Variants in DOCK2 observed in about 807,000 individuals in gnomAD.
DOCK2 encodes the protein dedicator of cytokinesis protein 2.
DOCK2 carries 87 observed loss-of-function variants against 248.9 expected under a neutral mutation model. The ratio of observed to expected loss-of-function variants is 0.35; its 90% CI spans 0.29 to 0.42. The LOEUF (loss-of-function observed/expected upper bound fraction) is 0.42, where lower values mean the gene tolerates loss of function less well. Among genes scored for constraint, DOCK2 ranks in the 10% least tolerant of loss-of-function variants. The pLI is 1.00. For missense variants in DOCK2, 1,747 were observed against 2,300.2 expected, an observed-to-expected ratio of 0.76 and a Z score of 4.92; for synonymous variants, 805 against 821.6, an observed-to-expected ratio of 0.98 and a Z score of 0.35.
rs1406953698 is a variant in DOCK2, at chr5:169,708,245, C to T, written c.1460C>T (p.Pro487Leu). ...GTTGTGTACTATCAAGTCAAACAGCCACGCTGGATGGAAACAGTCAAGGTA... is the reference window on the plus strand; with the variant it reads ...GTTGTGTACTATCAAGTCAAACAGCTACGCTGGATGGAAACAGTCAAGGTA... ...RSVVYYQVKQ[P>L]RWMETVKVAV... Residue 487 changes from proline (P) to leucine (L), a missense_variant, in exon 15 of 52, where the codon CCA (proline) becomes CTA (leucine). By Grantham distance (98) the Pro-to-Leu change is moderately conservative (BLOSUM62 -3). Transcript: ENST00000520908. 2.5e-6 allele frequency: 4 copies of T among 1,613,728 alleles called. No individual in the cohort carries two copies. The highest frequency in any genetic ancestry group is 3.4e-6 in the Non-Finnish European group (4 of 1,179,924).
chr5:169,779,046 G>A (rs757879938), intron 25 of DOCK2, among the ~76,000 whole-genome samples: 2 of 152,176 alleles, frequency 1.3e-5, no homozygotes, highest in East Asian at 3.9e-4. Flanking sequence ...TGGGGACAGG[G>A]GATATATGGG....
At chr5:169,661,544 T>C (rs1024474293) in intron 2 of DOCK2, among the ~76,000 whole-genome samples, 1 of 152,190 alleles carries the variant, frequency 6.6e-6, no homozygotes, top group African/African-American at 2.4e-5. Flanking sequence ...TTGTTGTACA[T>C]TAGATCTCTA....
intron 18 of DOCK2, 65 bp downstream of exon 18, chr5:169,714,276 G>A (rs1761756656): frequency 1.9e-6 from 3 of 1,609,160 alleles, no homozygotes; most frequent in Non-Finnish European, 2.5e-6. Flanking sequence ...GTACATGTGT[G>A]TATGTGCTTG....
At chr5:170,045,974 TC>T in intron 39 of DOCK2, 69 bp downstream of exon 39, 7 of 1,467,044 alleles carry the variant, frequency 4.8e-6, no homozygotes, top group Non-Finnish European at 5.7e-6. Context: ...TCACCCCAGA[TC>T]CTGGGGAGAT....
intron 41 of DOCK2, among the ~76,000 whole-genome samples, chr5:170,052,207 C>A (rs556439698): frequency 3.3e-5 from 5 of 152,280 alleles, no homozygotes. Context: ...CATCTGTAAC[C>A]TTTTCATTAT....
At chr5:169,996,300 A>G in intron 30 of DOCK2, 136 bp downstream of exon 30, 3 of 826,926 alleles carry the variant, frequency 3.6e-6, no homozygotes, top group Non-Finnish European at 5.4e-6. Flanking sequence ...ACGGGGGGTT[A>G]TGGCTGGGGA....
chr5:169,961,361 T>A (rs1465111351), intron 27 of DOCK2, among the ~76,000 whole-genome samples: 2 of 152,252 alleles, frequency 1.3e-5, no homozygotes, highest in African/African-American at 4.8e-5. Flanking sequence ...TAAATTGAAT[T>A]GCCTAGTCTT....
chr5:169,757,610 A>T (rs2113726204), intron 23 of DOCK2, among the ~76,000 whole-genome samples: 1 of 152,340 alleles, frequency 6.6e-6, no homozygotes, highest in African/African-American at 2.4e-5. Context: ...GACAAATATG[A>T]CAGCCTGCAA....
chr5:169,669,378 GC>G, intron 3 of DOCK2, 50 bp downstream of exon 3: 2 of 1,600,678 alleles, frequency 1.2e-6, no homozygotes, highest in Non-Finnish European at 1.7e-6. Context: ...TCTTCATATG[GC>G]CCCGCTATCC....
At chr5:170,034,781 C>T (rs1360239493) in intron 35 of DOCK2, among the ~76,000 whole-genome samples, 2 of 152,176 alleles carry the variant, frequency 1.3e-5, no homozygotes, top group Non-Finnish European at 2.9e-5. Flanking sequence ...GAGATTAATG[C>T]ATATTCCCTT....
chr5:169,749,416 T>G (rs2113696515), intron 23 of DOCK2, among the ~76,000 whole-genome samples: 1 of 152,362 alleles, frequency 6.6e-6, no homozygotes, highest in South Asian at 2.1e-4. Context: ...ATGAGTTCTC[T>G]AATCCTAATA....
chr5:169,744,353 T>C (rs560690898), intron 22 of DOCK2, among the ~76,000 whole-genome samples: 2 of 152,308 alleles, frequency 1.3e-5, no homozygotes, highest in South Asian at 2.1e-4. Flanking sequence ...AGTCACATAA[T>C]ATTTATAAGA....
intron 27 of DOCK2, among the ~76,000 whole-genome samples, chr5:169,876,156 G>A (rs527578422): frequency 5.9e-5 from 9 of 152,088 alleles, no homozygotes. Flanking sequence ...TGATCCTCTG[G>A]CCTCCCTCTT....
chr5:170,079,048 C>T lies in DOCK2; in HGVS notation c.5068C>T (p.Leu1690=), dbSNP rs1174677204. Residue 1690 remains leucine (L), a synonymous_variant, in exon 49 of 52, where the codon CTG becomes TTG. Transcript: ENST00000520908. ...GGAACCGATCTCCCCGGGGAGCACC[C>T]TGCCTGAGGTCAAGCTGCGGAGGTC... ...QEEPISPGST[L]PEVKLRRSKK... The T allele has an allele frequency of 6.2e-7, 1 of 1,614,164 alleles. No homozygotes were observed. The highest frequency in any genetic ancestry group is 8.5e-7 in the Non-Finnish European group (1 of 1,180,020).
At position 169,764,774 on chromosome 5, in the gene DOCK2, G is replaced by A. The variant is rs951021966; in HGVS notation, c.2554+3149G>A. Among the ~76,000 whole-genome samples, 2 of 152,092 alleles carry A rather than the reference G, an allele frequency of 1.3e-5. No individual in the cohort carries two copies. Among genetic ancestry groups the A allele is most frequent in the South Asian group, 2.1e-4 (1 of 4,824 alleles). Reference sequence around the variant, plus strand: ...AACTACATGGTTTTCCTCAGGGTCCGAGAGACACAGGACCTAATGAATAAA... The same window carrying A: ...AACTACATGGTTTTCCTCAGGGTCCAAGAGACACAGGACCTAATGAATAAA... On this transcript the variant is annotated intron_variant, in intron 25 of 51. Coordinates refer to ENST00000520908, the MANE Select transcript of DOCK2 (RefSeq NM_004946.3). The surrounding 1 kb of genome is among the most constrained non-coding windows in gnomAD (Gnocchi z 4.3).
At chr5:169,900,185 G>T (rs2113574978) in intron 27 of DOCK2, among the ~76,000 whole-genome samples, 1 of 152,288 alleles carries the variant, frequency 6.6e-6, no homozygotes, top group African/African-American at 2.4e-5. Context: ...AGGCAGCACG[G>T]TAAGACGCAA....
intron 26 of DOCK2, among the ~76,000 whole-genome samples, chr5:169,834,033 C>G (rs954897402): frequency 1.4e-5 from 2 of 146,572 alleles, no homozygotes; most frequent in African/African-American, 5.1e-5. Flanking sequence ...TACTCACATG[C>G]TCAGTCAGTG....
In DOCK2 at chr5:169,747,407, G is replaced by T; in HGVS notation, c.2279G>T (p.Gly760Val). 6 of 1,612,572 alleles carry T rather than the reference G, an allele frequency of 3.7e-6. No homozygotes were observed. The highest frequency in any genetic ancestry group is 5.1e-6 in the Non-Finnish European group (6 of 1,179,370). Residue 760 changes from glycine to valine, a missense_variant, in exon 23 of 52, where the codon GGC (glycine) becomes GTC (valine). Around this residue, in one of 4 missense-constraint regions of DOCK2, gnomAD observed 858 missense variants for 1,183.5 expected, o/e 0.72. Coordinates refer to ENST00000520908, the MANE Select transcript of DOCK2 (RefSeq NM_004946.3). ...SRTLFSQLYEGKEQMEFEESM... is the reference protein window; with the variant it reads ...SRTLFSQLYEVKEQMEFEESM... Reference sequence around the variant, plus strand: ...GTATCTTGTTTCAGGCTTTATGAAGGCAAAGAACAGATGGAGTTTGAAGAA... The same window carrying T: ...GTATCTTGTTTCAGGCTTTATGAAGTCAAAGAACAGATGGAGTTTGAAGAA...
intron 34 of DOCK2, among the ~76,000 whole-genome samples, chr5:170,032,842 T>G (rs1271886721): frequency 6.6e-6 from 1 of 152,124 alleles, no homozygotes. Context: ...TTTCTTACCT[T>G]TACCCTCCTA....
Sources: gnomAD v4.1 joint callset for allele counts (sites outside exome capture counted in the v4.1 genomes callset) on GRCh38, gnomAD v4.1.1 for gene constraint, gnomAD v4.1.1 regional missense constraint, Gnocchi (gnomAD v3.1) non-coding constraint, MANE v1.5 for transcripts, NCBI Gene and HGNC (gene_info 2026-07-23, HGNC 2026-07-21) for gene names.